Variants in BAZ2B observed in about 807,000 individuals in gnomAD.
The protein encoded by BAZ2B is bromodomain adjacent to zinc finger domain 2B.
BAZ2B carries 91 observed loss-of-function variants against 246.0 expected under a neutral mutation model. The ratio of observed to expected loss-of-function variants is 0.37; its 90% CI spans 0.31 to 0.44. The LOEUF (loss-of-function observed/expected upper bound fraction) is 0.44, where lower values mean the gene tolerates loss of function less well. Ranked by LOEUF, BAZ2B falls within the 20% of genes least tolerant of loss-of-function variation. The pLI is 1.00. For missense variants in BAZ2B, 2,332 were observed against 2,533.7 expected, an observed-to-expected ratio of 0.92 and a Z score of 1.71; for synonymous variants, 855 against 860.0, an observed-to-expected ratio of 0.99 and a Z score of 0.10.
chr2:159,472,144 T>C (rs909143182), intron 3 of BAZ2B, among the ~76,000 whole-genome samples: 1 of 152,194 alleles, frequency 6.6e-6, no homozygotes, highest in Non-Finnish European at 1.5e-5. Context: ...CGAGCAGTGG[T>C]TATAGTTCTC....
In BAZ2B at chr2:159,349,024, G is replaced by A. The variant is rs747999071; in HGVS notation, c.5120C>T (p.Pro1707Leu). 6.2e-6 allele frequency: 10 copies of A among 1,613,924 alleles called. No individual in the cohort carries two copies. Among genetic ancestry groups the A allele is most frequent in the Admixed American group, 1.7e-5 (1 of 59,982 alleles). Reference sequence around the variant, plus strand: ...GTACCTACCTTCTGGAATAGGTTTTGGACTAGGAAAATCTACTGGTTTTGC... The same window carrying A: ...GTACCTACCTTCTGGAATAGGTTTTAGACTAGGAAAATCTACTGGTTTTGC... The part of the protein sequence containing the change: ...EVAKPVDFPS[P>L]KPIPEEMQFG... The change falls in exon 29 of 37, where the codon CCA becomes CTA. Residue 1707 changes from proline to leucine, a missense_variant. By Grantham distance (98) the Pro-to-Leu change is moderately conservative. Coordinates refer to ENST00000392783, the MANE Select transcript of BAZ2B (RefSeq NM_013450.4).
chr2:159,318,357 A>AT (rs1160975701), downstream of BAZ2B, among the ~76,000 whole-genome samples: 2 of 152,226 alleles, frequency 1.3e-5, no homozygotes, highest in Non-Finnish European at 2.9e-5. Flanking sequence ...GTAACAGCTG[A>AT]TTTTTCATAT....
chr2:159,508,611 TAA>T (rs10716586), intron 2 of BAZ2B, among the ~76,000 whole-genome samples: 3 of 150,418 alleles, frequency 2.0e-5, no homozygotes, highest in African/African-American at 7.4e-5. Context: ...TTGCCAAAAA[TAA>T]AAAAAAAAAT....
At position 159,389,475 on chromosome 2, in the gene BAZ2B, C is replaced by T. The variant is rs759522889; in HGVS notation, c.3086G>A (p.Arg1029Gln). The change falls in exon 21 of 37, where the codon CGG becomes CAG. Residue 1029 changes from arginine to glutamine, a missense_variant. Physicochemically the swap from Arg to Gln is conservative, Grantham distance 43. Around this residue, in one of 9 missense-constraint regions of BAZ2B, gnomAD observed 328 missense variants for 410.4 expected, o/e 0.80. Transcript: ENST00000392783. ...EARKKAEEKERLKQEKRDEKR... is the reference protein window; with the variant it reads ...EARKKAEEKEQLKQEKRDEKR... ...CTCATCACGTTTTTCTTGTTTCAAC[C>T]GCTCTTTTTCCTTAAAAAGAAAACC... 6.3e-6 allele frequency: 10 copies of T among 1,599,542 alleles called. No individual in the cohort carries two copies. The highest frequency in any genetic ancestry group is 4.1e-5 in the African/African-American group (3 of 73,942).
At chr2:159,641,100 T>C in the BAZ2B span, among the ~76,000 whole-genome samples, 1 of 152,156 alleles carries the variant, frequency 6.6e-6, no homozygotes, top group African/African-American at 2.4e-5. Flanking sequence ...GGAGCAACTA[T>C]ATGCCAATAC....
intron 6 of BAZ2B, among the ~76,000 whole-genome samples, chr2:159,446,048 A>C (rs1443992931): frequency 2.0e-5 from 3 of 152,172 alleles, no homozygotes; most frequent in African/African-American, 7.2e-5. Context: ...CGGGAGGTGG[A>C]AGTTGCAGTG....
At chr2:159,380,404 T>C (rs2061861640) in intron 25 of BAZ2B, among the ~76,000 whole-genome samples, 1 of 152,210 alleles carries the variant, frequency 6.6e-6, no homozygotes, top group South Asian at 2.1e-4. Context: ...TGTTGCCAAA[T>C]TCAATCAACA....
intron 25 of BAZ2B, among the ~76,000 whole-genome samples, chr2:159,378,432 G>A (rs1042130938): frequency 6.6e-6 from 1 of 152,022 alleles, no homozygotes; most frequent in Non-Finnish European, 1.5e-5. Flanking sequence ...AAAACACAGG[G>A]AATAAAAGCA....
chr2:159,388,103 G>C (rs1436666315), intron 21 of BAZ2B, among the ~76,000 whole-genome samples: 1 of 151,538 alleles, frequency 6.6e-6, no homozygotes, highest in African/African-American at 2.4e-5. Flanking sequence ...TTGTGCACAT[G>C]TACCCTAAAA....
chr2:159,612,207 C>G (rs935998887), intron 1 of BAZ2B, among the ~76,000 whole-genome samples: 1 of 151,886 alleles, frequency 6.6e-6, no homozygotes, highest in Admixed American at 6.6e-5. Context: ...GCCTCTTTCC[C>G]CAATAATTAT....
intron 2 of BAZ2B, among the ~76,000 whole-genome samples, chr2:159,487,406 T>C (rs2079961124): frequency 6.6e-6 from 1 of 152,220 alleles, no homozygotes; most frequent in African/African-American, 2.4e-5. Flanking sequence ...ATTGGTTTAA[T>C]GAATATCAGT....
At chr2:159,435,414 G>A (rs2072055708) in intron 8 of BAZ2B, 1 of 151,894 alleles carries the variant, frequency 6.6e-6, no homozygotes, top group Non-Finnish European at 1.5e-5. Context: ...GGAGTGCAGT[G>A]GCGCGATCTT....
intron 36 of BAZ2B, among the ~76,000 whole-genome samples, chr2:159,324,169 TA>T (rs2063116464): frequency 6.8e-6 from 1 of 148,042 alleles, no homozygotes. Context: ...ACAATGTAAT[TA>T]AAATATATAT....
chr2:159,651,013 T>C, the BAZ2B span, among the ~76,000 whole-genome samples: 3 of 152,208 alleles, frequency 2.0e-5, no homozygotes, highest in African/African-American at 7.2e-5. Flanking sequence ...TATTCGTTTA[T>C]TTTTAATTGA....
chr2:159,362,294 T>C (rs190519546), intron 27 of BAZ2B, among the ~76,000 whole-genome samples: 1 of 152,262 alleles, frequency 6.6e-6, no homozygotes, highest in East Asian at 1.9e-4. Context: ...CCTCCCTATG[T>C]AGACTTTGAC....
chr2:159,367,480 T>C (rs1360534104), intron 27 of BAZ2B, among the ~76,000 whole-genome samples: 1 of 152,210 alleles, frequency 6.6e-6, no homozygotes, highest in Non-Finnish European at 1.5e-5. Flanking sequence ...CCCCATAATA[T>C]TAATTGATGT....
chr2:159,463,458 A>G (rs35773521), intron 3 of BAZ2B: 43,552 of 176,024 alleles, frequency 0.25, 5,829 homozygotes, highest in East Asian at 0.42. Flanking sequence ...GAACCTCCAT[A>G]CTATTTTCTA....
rs2061025080 is a variant in BAZ2B, at chr2:159,373,055, C to T, written c.4203G>A (p.Glu1401=). ...ATTATGAGTTCTAACCTTCACCACTCTCCATGCCTTCTACAAAAATCCCCC... is the reference window on the plus strand; with the variant it reads ...ATTATGAGTTCTAACCTTCACCACTTTCCATGCCTTCTACAAAAATCCCCC... ...QCGGIFVEGM[E]SGEGLEEIAK... The change falls in exon 27 of 37, where the codon GAG becomes GAA. Residue 1401 remains glutamate (E), a synonymous_variant. Transcript: ENST00000392783. 3.7e-6 allele frequency: 6 copies of T among 1,613,872 alleles called. No homozygotes were observed. Among genetic ancestry groups the T allele is most frequent in the Non-Finnish European group, 5.1e-6 (6 of 1,179,872 alleles).
intron 2 of BAZ2B, among the ~76,000 whole-genome samples, chr2:159,497,130 A>AT (rs1286369181): frequency 3.3e-5 from 5 of 152,204 alleles, no homozygotes; most frequent in Non-Finnish European, 5.9e-5. Flanking sequence ...AATTACTATA[A>AT]TTTTTTTATT....
Sources: gnomAD v4.1 joint callset for allele counts (sites outside exome capture counted in the v4.1 genomes callset) on GRCh38, gnomAD v4.1.1 for gene constraint, gnomAD v4.1.1 regional missense constraint, MANE v1.5 for transcripts, NCBI Gene and HGNC (gene_info 2026-07-23, HGNC 2026-07-21) for gene names.